Variants in ITFG1 observed in about 807,000 individuals in gnomAD.
ITFG1 encodes T-cell immunomodulatory protein.
Under a neutral mutation model 81.8 loss-of-function variants are expected in ITFG1, and 34 were observed. The observed-to-expected ratio is 0.42, with a 90% CI of 0.32 to 0.55. The LOEUF (loss-of-function observed/expected upper bound fraction) is 0.55. Ranked by LOEUF, ITFG1 falls within the 20% of genes least tolerant of loss-of-function variation. ITFG1 has a pLI of 0.17. For missense variants in ITFG1, 672 were observed against 755.4 expected (o/e 0.89, Z 1.29); for synonymous variants, 285 against 270.6 (o/e 1.05, Z -0.52).
chr16:47,328,827 A>G (rs1377874502), intron 8 of ITFG1, among the ~76,000 whole-genome samples: 1 of 152,174 alleles, frequency 6.6e-6, no homozygotes, highest in Non-Finnish European at 1.5e-5. Context: ...ATTATGACAA[A>G]CTACTAGCTA....
chr16:47,361,520 T>C lies in ITFG1; in HGVS notation c.802+4268A>G, dbSNP rs918142363. Among the ~76,000 whole-genome samples the C allele has an allele frequency of 3.3e-5, 5 of 152,128 alleles. No homozygotes were observed. The South Asian group carries it at 6.2e-4, about 19-fold the overall frequency. ...TAAAATACAGTTTAAAAGGAAGATA[T>C]AGTAGGGCAAGACAGAAAACATGTC... On this transcript the variant is annotated intron_variant, in intron 8 of 17. Coordinates refer to ENST00000320640, the MANE Select transcript of ITFG1 (RefSeq NM_030790.5).
chr16:47,452,606 T>A, intron 4 of ITFG1, 127 bp downstream of exon 4: 1 of 633,272 alleles, frequency 1.6e-6, no homozygotes, highest in Non-Finnish European at 2.8e-6. Context: ...AAATACAATA[T>A]AATCAAAGGT....
chr16:47,347,287 T>G (rs1967870744), intron 8 of ITFG1, among the ~76,000 whole-genome samples: 1 of 152,244 alleles, frequency 6.6e-6, no homozygotes, highest in Non-Finnish European at 1.5e-5. Flanking sequence ...GGGAATTCCC[T>G]TTCATAGCCA....
At chr16:47,402,163 C>T (rs1418494784) in intron 6 of ITFG1, among the ~76,000 whole-genome samples, 5 of 151,978 alleles carry the variant, frequency 3.3e-5, no homozygotes, top group Admixed American at 6.6e-5. Flanking sequence ...TGAAACTCAC[C>T]GAATCTTTAT....
At chr16:47,269,534 G>T (rs1596850087) in intron 10 of ITFG1, among the ~76,000 whole-genome samples, 1 of 107,932 alleles carries the variant, frequency 9.3e-6, no homozygotes, top group Non-Finnish European at 2.1e-5. Flanking sequence ...AGGCATAATA[G>T]CATCAAAAAT....
At chr16:47,294,645 ATT>A (rs1966956176) in intron 10 of ITFG1, among the ~76,000 whole-genome samples, 1 of 151,796 alleles carries the variant, frequency 6.6e-6, no homozygotes, top group Admixed American at 6.6e-5. Context: ...TGCCTTCTTG[ATT>A]TGTTTTTCAG....
At chr16:47,357,342 C>A (rs1331910353) in intron 8 of ITFG1, among the ~76,000 whole-genome samples, 2 of 151,964 alleles carry the variant, frequency 1.3e-5, no homozygotes, top group Non-Finnish European at 2.9e-5. Context: ...CGGCTGGGCG[C>A]AGTGGCTCCC....
intron 6 of ITFG1, among the ~76,000 whole-genome samples, chr16:47,389,047 T>G (rs1052425070): frequency 3.3e-5 from 5 of 152,188 alleles, no homozygotes; most frequent in African/African-American, 7.2e-5. Flanking sequence ...TTAAGATGTT[T>G]AAAAGTAGGA....
chr16:47,260,655 T>G lies in ITFG1; in HGVS notation c.1111A>C (p.Asn371His). 6.2e-7 allele frequency: 1 copy of G among 1,614,210 alleles called. No individual in the cohort carries two copies. Among genetic ancestry groups the G allele is most frequent in the South Asian group, 1.1e-5 (1 of 91,086 alleles). The change falls in exon 11 of 18, where the codon AAT becomes CAT. Residue 371 changes from asparagine (N) to histidine (H), a missense_variant. By Grantham distance (68) the Asn-to-His change is moderately conservative. Transcript: ENST00000320640. ...AFLLENVPCN[N>H]ASCEEARRMF... Reference sequence around the variant, plus strand: ...CGACGCGCCTCTTCACAGCTTGCATTATTACAAGGGACGTTCTCCAGTAAA... The same window carrying G: ...CGACGCGCCTCTTCACAGCTTGCATGATTACAAGGGACGTTCTCCAGTAAA...
At chr16:47,248,057 T>C (rs1966023393) in intron 12 of ITFG1, among the ~76,000 whole-genome samples, 1 of 147,960 alleles carries the variant, frequency 6.8e-6, no homozygotes, top group African/African-American at 2.7e-5. Context: ...CATACTCACG[T>C]ATTTTCATCT....
chr16:47,230,046 C>T (rs943098141), intron 13 of ITFG1, among the ~76,000 whole-genome samples: 8 of 152,068 alleles, frequency 5.3e-5, no homozygotes, highest in African/African-American at 7.2e-5. Flanking sequence ...ATCATAGGTA[C>T]GTACGTGTAG....
rs554429571 is a variant in ITFG1 at position 47,245,209 on chromosome 16, C to A, written c.1331-7201G>T. ...TAAAAATACAAAAAAATTAGCCAGG[C>A]ATGGTGGTGTGTGCCTGTAATACCA... is the stretch of plus-strand genomic sequence containing the variant. On this transcript the variant is annotated intron_variant, in intron 12 of 17. Coordinates refer to ENST00000320640, the MANE Select transcript of ITFG1 (RefSeq NM_030790.5). 2.4e-3 allele frequency among the ~76,000 whole-genome samples: 367 copies of A among 152,022 alleles called. 1 individual carries two copies. The highest frequency in any genetic ancestry group is 7.9e-3 in the African/African-American group (326 of 41,446).
At chr16:47,420,834 A>G (rs1968936761) in intron 6 of ITFG1, among the ~76,000 whole-genome samples, 1 of 152,168 alleles carries the variant, frequency 6.6e-6, no homozygotes, top group Non-Finnish European at 1.5e-5. Flanking sequence ...TCCATTACAA[A>G]TTACACAGCT....
chr16:47,307,195 G>A (rs1967183363), intron 10 of ITFG1, among the ~76,000 whole-genome samples: 1 of 149,594 alleles, frequency 6.7e-6, no homozygotes, highest in Non-Finnish European at 1.5e-5. Context: ...ACATGAAGGA[G>A]TCGTATCTAA....
chr16:47,452,677 A>G (rs913228080), intron 4 of ITFG1, 56 bp downstream of exon 4: 3 of 1,188,978 alleles, frequency 2.5e-6, no homozygotes, highest in African/African-American at 3.1e-5. Context: ...CTATGTGAAG[A>G]TTTTATTTTA....
intron 6 of ITFG1, among the ~76,000 whole-genome samples, chr16:47,405,263 C>T (rs1968714039): frequency 6.6e-6 from 1 of 152,120 alleles, no homozygotes. Flanking sequence ...TCTAGAGTTT[C>T]AGTTAATATG....
intron 5 of ITFG1, among the ~76,000 whole-genome samples, chr16:47,439,966 G>A (rs368298003): frequency 2.0e-5 from 3 of 150,326 alleles, no homozygotes; most frequent in African/African-American, 7.4e-5. Flanking sequence ...ACACACATAG[G>A]CTCAAAATAA....
intron 10 of ITFG1, among the ~76,000 whole-genome samples, chr16:47,268,507 G>A (rs1966303332): frequency 6.6e-6 from 1 of 152,200 alleles, no homozygotes; most frequent in Non-Finnish European, 1.5e-5. Flanking sequence ...AACTCATCCT[G>A]TGAAACCAGT....
At chr16:47,300,973 C>T (rs1463070361) in intron 10 of ITFG1, among the ~76,000 whole-genome samples, 3 of 152,104 alleles carry the variant, frequency 2.0e-5, no homozygotes, top group Non-Finnish European at 4.4e-5. Flanking sequence ...GTTCTCTGTG[C>T]CCTAATTAAT....
Sources: allele counts gnomAD v4.1 joint callset (sites outside exome capture counted in the v4.1 genomes callset), GRCh38; gene constraint gnomAD v4.1.1; transcripts MANE v1.5; gene names NCBI Gene and HGNC (gene_info 2026-07-23, HGNC 2026-07-21).